The following PDK2 variants were observed in gnomAD, a reference collection of about 807,000 sequenced individuals.
The protein encoded by PDK2 is pyruvate dehydrogenase kinase, isozyme 2.
PDK2 carries 34 observed loss-of-function variants against 50.4 expected under a neutral mutation model. The observed-to-expected ratio is 0.68, with a 90% CI of 0.51 to 0.90. The LOEUF is 0.90. Among genes scored for constraint, PDK2 ranks in the 40% least tolerant of loss-of-function variants. The probability of loss-of-function intolerance (pLI) is 0.00; values close to 1 mark genes in which losing one functional copy is unlikely to be tolerated. For missense variants in PDK2, 377 were observed against 544.5 expected, an observed-to-expected ratio of 0.69 and a Z score of 3.06; for synonymous variants, 232 against 216.0, an observed-to-expected ratio of 1.07 and a Z score of -0.65.
intron 4 of PDK2, chr17:50,106,288 T>C: frequency 7.8e-7 from 1 of 1,286,806 alleles, no homozygotes; most frequent in Non-Finnish European, 1.0e-6. Flanking sequence ...GTTTTCAGTG[T>C]TTGCAAAATG....
At chr17:50,100,078 C>T (rs1330680815) in intron 2 of PDK2, among the ~76,000 whole-genome samples, 1 of 152,174 alleles carries the variant, frequency 6.6e-6, no homozygotes, top group African/African-American at 2.4e-5. Flanking sequence ...GGAGACTTTA[C>T]CAGGGAGCTT....
At chr17:50,097,275 C>T in intron 1 of PDK2, 148 bp from the exon 2 acceptor site, 1 of 723,184 alleles carries the variant, frequency 1.4e-6, no homozygotes. Flanking sequence ...TTGAGCCCTG[C>T]AGGGGATGGG....
rs986823626 is a variant in PDK2, at chr17:50,109,609, G to C, written c.1083+209G>C. Among the ~76,000 whole-genome samples, 5 of 152,196 alleles carry C rather than the reference G, an allele frequency of 3.3e-5. No individual in the cohort carries two copies. Among genetic ancestry groups the C allele is most frequent in the African/African-American group, 1.2e-4 (5 of 41,448 alleles). On this transcript the variant is annotated intron_variant, in intron 10 of 10. Transcript: ENST00000503176. The surrounding 1 kb of genome is among the most constrained non-coding windows in gnomAD (Gnocchi z 5.0). Reference sequence around the variant, plus strand: ...CTTGTCAGGGAATTTAGGGGAGTCTGTGGTCTATGATTAAGACCCCTGTGC... The same window carrying C: ...CTTGTCAGGGAATTTAGGGGAGTCTCTGGTCTATGATTAAGACCCCTGTGC...
intron 1 of PDK2, 37 bp from the exon 2 acceptor site, chr17:50,097,386 C>T: frequency 6.2e-7 from 1 of 1,608,984 alleles, no homozygotes. Flanking sequence ...CTTTCATAGT[C>T]TGTGGCTCTG....
intron 2 of PDK2, among the ~76,000 whole-genome samples, chr17:50,103,138 G>A (rs1910321376): frequency 1.3e-5 from 2 of 152,242 alleles, no homozygotes; most frequent in Admixed American, 6.5e-5. Flanking sequence ...AGGAGTGCCA[G>A]CCTGATTGTC....
chr17:50,099,394 C>T (rs574226662), intron 2 of PDK2, among the ~76,000 whole-genome samples: 49 of 152,304 alleles, frequency 3.2e-4, no homozygotes, highest in Admixed American at 2.2e-3. Context: ...CTCAGTGACA[C>T]AGATAAGAGG....
intron 1 of PDK2, chr17:50,095,883 G>A: frequency 6.0e-6 from 5 of 835,996 alleles, no homozygotes; most frequent in African/African-American, 5.5e-5. Flanking sequence ...AAGGGTTAAT[G>A]GGAGTTGTCC....
At chr17:50,105,341 G>A in intron 2 of PDK2, 30 bp from the exon 3 acceptor site, 1 of 1,554,320 alleles carries the variant, frequency 6.4e-7, no homozygotes, top group Non-Finnish European at 8.7e-7. Flanking sequence ...ACCTGAAGCT[G>A]AGGCTGTGTC....
intron 2 of PDK2, among the ~76,000 whole-genome samples, chr17:50,099,860 G>T (rs372819181): frequency 6.6e-6 from 1 of 152,244 alleles, no homozygotes; most frequent in African/African-American, 2.4e-5. Context: ...GCATCCCAAC[G>T]CGCTGAAGAG....
rs1910497677 is a variant in PDK2 at position 50,106,086 on chromosome 17, G to T, written c.517+17G>T. 1 of 1,578,058 alleles carries T rather than the reference G, an allele frequency of 6.3e-7. No homozygotes were observed. Among genetic ancestry groups the T allele is most frequent in the African/African-American group, 1.3e-5 (1 of 74,526 alleles). On this transcript the variant is annotated intron_variant, in intron 4 of 10. Coordinates refer to ENST00000503176, the MANE Select transcript of PDK2 (RefSeq NM_002611.5). ...ACCAGCACAGTGGGTGCCGGCCACA[G>T]CGGCGGGGAGCGGGCGGTGGGGGGG...
chr17:50,095,875 G>T, intron 1 of PDK2: 1 of 878,780 alleles, frequency 1.1e-6, no homozygotes, highest in Non-Finnish European at 1.4e-6. Flanking sequence ...AGACGCGAAA[G>T]GGTTAATGGG....
intron 6 of PDK2, among the ~76,000 whole-genome samples, chr17:50,107,620 T>G (rs1598214807): frequency 6.6e-6 from 1 of 152,158 alleles, no homozygotes; most frequent in Non-Finnish European, 1.5e-5. Flanking sequence ...AATGAAAGAG[T>G]AAGCAAGACA....
At chr17:50,106,944 C>T in intron 5 of PDK2, 61 bp downstream of exon 5, 1 of 1,520,322 alleles carries the variant, frequency 6.6e-7, no homozygotes, top group South Asian at 1.1e-5. Flanking sequence ...CCAAGCTTAC[C>T]TGGCCAGAGG....
intron 2 of PDK2, among the ~76,000 whole-genome samples, chr17:50,099,520 G>A (rs527662144): frequency 5.2e-5 from 8 of 152,382 alleles, no homozygotes; most frequent in African/African-American, 7.2e-5. Flanking sequence ...TAGGCCGGGC[G>A]CGGTGGCTCA....
rs771415263 is a variant in PDK2 at position 50,110,127 on chromosome 17, C to G, written c.*30C>G. The G allele has an allele frequency of 2.6e-6, 4 of 1,557,390 alleles. No individual in the cohort carries two copies. The highest frequency in any genetic ancestry group is 2.6e-6 in the Non-Finnish European group (3 of 1,146,338). ...CGCCGTGCATCTGCACCTGAGAGGA[C>G]GGACTGCCGCCTCTGGGTCCCCCCA... On this transcript the variant is annotated 3_prime_UTR_variant, in exon 11 of 11. Transcript: ENST00000503176.
At chr17:50,105,506 C>A in intron 3 of PDK2, 64 bp downstream of exon 3, 1 of 1,362,580 alleles carries the variant, frequency 7.3e-7, no homozygotes, top group Non-Finnish European at 1.0e-6. Context: ...GGGGTTGCAG[C>A]CCCTGGGGCA....
intron 1 of PDK2, chr17:50,096,250 C>T (rs1909935265): frequency 2.0e-6 from 2 of 985,486 alleles, no homozygotes; most frequent in Admixed American, 6.1e-5. Context: ...TGGAGTCAAG[C>T]CGCCTATACC....
At chr17:50,106,677 C>A in intron 4 of PDK2, 117 bp from the exon 5 acceptor site, 1 of 824,938 alleles carries the variant, frequency 1.2e-6, no homozygotes, top group Non-Finnish European at 2.0e-6. Flanking sequence ...AGCTTTAGGA[C>A]TGGAGCCTAC....
At position 50,109,915 on chromosome 17, in the gene PDK2, A is replaced by C; in HGVS notation, c.1084-42A>C. On this transcript the variant is annotated intron_variant, in intron 10 of 10. Transcript: ENST00000503176. This position sits in a 1 kb window ranked among gnomAD's most constrained non-coding sequence, Gnocchi z 5.0. The stretch of plus-strand genomic sequence containing the variant: ...GGGGTGGTCTGCTGAGGAGTGGACA[A>C]GGCACAGGGAGGTGGGAGGGGCTGA... The C allele has an allele frequency of 6.8e-7, 1 of 1,478,536 alleles. No individual in the cohort carries two copies. The allele number at this position is 1,478,536 out of a possible 1,614,324, so 91.6% of individuals were successfully genotyped here.
Sources: gnomAD v4.1 joint callset for allele counts (sites outside exome capture counted in the v4.1 genomes callset) on GRCh38, gnomAD v4.1.1 for gene constraint, Gnocchi (gnomAD v3.1) non-coding constraint, MANE v1.5 for transcripts, NCBI Gene and HGNC (gene_info 2026-07-23, HGNC 2026-07-21) for gene names.